C16orf78: variants seen among roughly 807,000 people sequenced by gnomAD.
C16orf78 encodes the protein uncharacterized protein C16orf78.
In C16orf78, 19 loss-of-function variants were observed where a neutral mutation model predicts 27.3. The ratio of observed to expected loss-of-function variants is 0.70; its 90% CI spans 0.49 to 1.02. C16orf78 has a LOEUF of 1.02. C16orf78 is among the 50% of genes least tolerant of loss of function. The pLI is 0.00. For synonymous variants in C16orf78, 130 were observed against 116.1 expected (o/e 1.12, Z -0.77); for missense variants, 339 against 337.0 (o/e 1.01, Z -0.05).
At chr16:49,383,820 C>T (rs2151612588) in intron 3 of C16orf78, among the ~76,000 whole-genome samples, 1 of 152,168 alleles carries the variant, frequency 6.6e-6, no homozygotes. Context: ...TAGTGAGACC[C>T]CCATCTACAA....
intron 3 of C16orf78, among the ~76,000 whole-genome samples, chr16:49,381,483 C>T (rs1389451772): frequency 6.6e-6 from 1 of 152,018 alleles, no homozygotes; most frequent in African/African-American, 2.4e-5. Context: ...AGGCAACCTA[C>T]AAAATGGAAG....
At chr16:49,396,966 A>G (rs1965483404) in intron 4 of C16orf78, among the ~76,000 whole-genome samples, 1 of 152,206 alleles carries the variant, frequency 6.6e-6, no homozygotes. Context: ...GTTTGTTTCA[A>G]TATTACTCAA....
At chr16:49,380,897 C>A (rs1251434741) in intron 3 of C16orf78, among the ~76,000 whole-genome samples, 1 of 151,960 alleles carries the variant, frequency 6.6e-6, no homozygotes, top group Non-Finnish European at 1.5e-5. Context: ...GGAATCCTTT[C>A]CCCATTGCTT....
At chr16:49,378,728 G>A in intron 3 of C16orf78, 135 bp downstream of exon 3, 1 of 1,360,818 alleles carries the variant, frequency 7.3e-7, no homozygotes, top group South Asian at 1.4e-5. Context: ...ACAGGAGTCA[G>A]AAGCCCACAT....
At chr16:49,398,585 C>T (rs142022742) in intron 4 of C16orf78, among the ~76,000 whole-genome samples, 4 of 152,342 alleles carry the variant, frequency 2.6e-5, no homozygotes, top group East Asian at 1.9e-4. Flanking sequence ...AGTGTATGTG[C>T]GCATGACAGT....
At chr16:49,377,124 G>A (rs1965229321) in intron 1 of C16orf78, among the ~76,000 whole-genome samples, 1 of 152,226 alleles carries the variant, frequency 6.6e-6, no homozygotes, top group Non-Finnish European at 1.5e-5. Flanking sequence ...GAGAGCAGGA[G>A]GGCCAGGAAT....
intron 4 of C16orf78, among the ~76,000 whole-genome samples, 183 bp from the exon 5 acceptor site, chr16:49,398,948 G>A (rs894946436): frequency 2.0e-5 from 3 of 152,118 alleles, no homozygotes; most frequent in Non-Finnish European, 2.9e-5. Context: ...GCAAACTCCC[G>A]CCGCCTTTGT....
intron 3 of C16orf78, among the ~76,000 whole-genome samples, chr16:49,395,703 T>C (rs1384092639): frequency 6.6e-6 from 1 of 152,212 alleles, no homozygotes; most frequent in African/African-American, 2.4e-5. Flanking sequence ...CTTCCTTTTC[T>C]AACTGATCAA....
chr16:49,379,160 G>GAAA (rs1291626340), intron 3 of C16orf78, among the ~76,000 whole-genome samples: 1 of 152,072 alleles, frequency 6.6e-6, no homozygotes, highest in African/African-American at 2.4e-5. Flanking sequence ...TATAAAATGG[G>GAAA]ACAACAACAA....
chr16:49,380,078 A>G (rs771623957), intron 3 of C16orf78, among the ~76,000 whole-genome samples: 4 of 152,142 alleles, frequency 2.6e-5, no homozygotes, highest in Non-Finnish European at 4.4e-5. Context: ...TCAGACTCCA[A>G]ATTCTTCAGC....
intron 3 of C16orf78, 121 bp from the exon 4 acceptor site, chr16:49,396,301 AT>A: frequency 8.7e-7 from 1 of 1,155,998 alleles, no homozygotes. Flanking sequence ...AAAAGACCTC[AT>A]ATCTCAGAAC....
chr16:49,391,995 A>G (rs1027940614), intron 3 of C16orf78, among the ~76,000 whole-genome samples: 2 of 152,154 alleles, frequency 1.3e-5, no homozygotes, highest in African/African-American at 4.8e-5. Flanking sequence ...AAAGAGTCCT[A>G]ATTCAGCCAC....
chr16:49,379,188 G>A (rs945411084), intron 3 of C16orf78, among the ~76,000 whole-genome samples: 52 of 152,276 alleles, frequency 3.4e-4, no homozygotes, highest in African/African-American at 1.2e-3. Flanking sequence ...CTCATAGTAT[G>A]GTTGTGAGGT....
rs757091334 is a variant in C16orf78, at chr16:49,399,220, TCGAAGA to T, written c.741_746del (p.Glu248_Glu249del). 4.3e-6 allele frequency: 7 copies of T among 1,614,034 alleles called. No individual in the cohort carries two copies. Among genetic ancestry groups the T allele is most frequent in the Admixed American group, 1.7e-5 (1 of 59,996 alleles). On this transcript the variant is annotated inframe_deletion, in exon 5 of 5. Transcript: ENST00000299191. Reference sequence around the variant, plus strand: ...AATGTGGATATCCACCCCCACATGGTCGAAGAGGACATAGATGCTAAAAAGGTGTTC... The same window carrying T: ...AATGTGGATATCCACCCCCACATGGTGGACATAGATGCTAAAAAGGTGTTC...
At chr16:49,398,635 C>T (rs1965504913) in intron 4 of C16orf78, among the ~76,000 whole-genome samples, 1 of 152,190 alleles carries the variant, frequency 6.6e-6, no homozygotes, top group Non-Finnish European at 1.5e-5. Context: ...CTTTTCTCCC[C>T]ACTTGGTATT....
intron 3 of C16orf78, among the ~76,000 whole-genome samples, chr16:49,391,119 G>C (rs1034439422): frequency 1.1e-4 from 16 of 152,168 alleles, no homozygotes; most frequent in African/African-American, 3.9e-4. Flanking sequence ...ACCTTATTGA[G>C]TGCAATAGCA....
intron 4 of C16orf78, among the ~76,000 whole-genome samples, 184 bp from the exon 5 acceptor site, chr16:49,398,947 C>T (rs911328810): frequency 9.8e-5 from 15 of 152,296 alleles, no homozygotes; most frequent in East Asian, 1.9e-4. Flanking sequence ...CGCAAACTCC[C>T]GCCGCCTTTG....
At chr16:49,377,616 G>T (rs1965235364) in intron 1 of C16orf78, 115 bp from the exon 2 acceptor site, 5 of 1,334,134 alleles carry the variant, frequency 3.7e-6, no homozygotes, top group Admixed American at 2.3e-5. Flanking sequence ...TGTGTGTGCT[G>T]AAGCCTGTGG....
intron 3 of C16orf78, among the ~76,000 whole-genome samples, chr16:49,380,195 G>A (rs982605838): frequency 6.6e-6 from 1 of 152,274 alleles, no homozygotes; most frequent in Non-Finnish European, 1.5e-5. Context: ...GTTTTGGGAC[G>A]CAGACTGGCT....
Sources: allele counts gnomAD v4.1 joint callset (sites outside exome capture counted in the v4.1 genomes callset), GRCh38; gene constraint gnomAD v4.1.1; transcripts MANE v1.5; gene names NCBI Gene and HGNC (gene_info 2026-07-23, HGNC 2026-07-21).